The following DYNC2H1 variants were observed in gnomAD, a reference collection of about 807,000 sequenced individuals.
DYNC2H1 encodes the protein dynein cytoplasmic 2 heavy chain 1.
DYNC2H1 carries 410 observed loss-of-function variants against 570.0 expected under a neutral mutation model. The observed-to-expected ratio is 0.72, with a 90% CI of 0.66 to 0.78. The LOEUF is 0.78. DYNC2H1 is among the 30% of genes least tolerant of loss of function. The pLI is 0.00. For missense variants in DYNC2H1, 4,865 were observed against 5,046.4 expected, an observed-to-expected ratio of 0.96 and a Z score of 1.09; for synonymous variants, 1,688 against 1,677.6, an observed-to-expected ratio of 1.01 and a Z score of -0.15.
chr11:103,246,855 C>T (rs886818059), intron 65 of DYNC2H1, among the ~76,000 whole-genome samples: 1 of 152,046 alleles, frequency 6.6e-6, no homozygotes, highest in African/African-American at 2.4e-5. Context: ...AATTACTTTT[C>T]TACTTACTGT....
intron 77 of DYNC2H1, 58 bp downstream of exon 77, chr11:103,304,778 G>C: frequency 6.8e-7 from 1 of 1,471,626 alleles, no homozygotes; most frequent in Non-Finnish European, 9.1e-7. Context: ...CAATCTCCAA[G>C]GGACATCAGT....
In DYNC2H1 at chr11:103,235,261, CT is replaced by C. The variant is rs376307190; in HGVS notation, c.9568-410del. Among the ~76,000 whole-genome samples the C allele has an allele frequency of 3.8e-4, 57 of 151,976 alleles. 1 individual carries two copies. Among genetic ancestry groups the C allele is most frequent in the African/African-American group, 1.3e-3 (56 of 41,520 alleles). ...CTTTCCTTTAATATAACTACTCTTTCTGCTGAATCTTGTGCTTTATTTACAA... is the reference window on the plus strand; with the variant it reads ...CTTTCCTTTAATATAACTACTCTTTCGCTGAATCTTGTGCTTTATTTACAA... On this transcript the variant is annotated intron_variant, in intron 61 of 88. Transcript: ENST00000375735.
intron 87 of DYNC2H1, among the ~76,000 whole-genome samples, chr11:103,457,714 A>T (rs1334823054): frequency 6.6e-6 from 1 of 152,152 alleles, no homozygotes; most frequent in Non-Finnish European, 1.5e-5. Context: ...GGTTCAAGTG[A>T]TCCTTCTGCC....
chr11:103,465,781 T>A lies in DYNC2H1; in HGVS notation c.12649-2808T>A, dbSNP rs1945178398. Among the ~76,000 whole-genome samples, 1 of 152,142 alleles carries A rather than the reference T, an allele frequency of 6.6e-6. No homozygotes were observed. Among genetic ancestry groups the A allele is most frequent in the South Asian group, 2.1e-4 (1 of 4,832 alleles). ...TCATACTGTAGTAGACTAGGAGAGC[T>A]TCCTTATATGGTGGTTTCAGTGCAG... On this transcript the variant is annotated intron_variant, in intron 87 of 88. Coordinates refer to ENST00000375735, the MANE Select transcript of DYNC2H1 (RefSeq NM_001377.3). This position sits in a 1 kb window ranked among gnomAD's most constrained non-coding sequence, Gnocchi z 4.9.
chr11:103,259,402 T>C (rs1418469866), intron 69 of DYNC2H1, among the ~76,000 whole-genome samples: 2 of 152,192 alleles, frequency 1.3e-5, no homozygotes, highest in African/African-American at 4.8e-5. Context: ...AAATTTTATG[T>C]GAGTTTTTAC....
intron 82 of DYNC2H1, among the ~76,000 whole-genome samples, chr11:103,342,289 GTAAAATGGACCAATCAGCACCCTA>G (rs1255387057): frequency 2.0e-5 from 3 of 152,140 alleles, no homozygotes; most frequent in South Asian, 2.1e-4. Flanking sequence ...TCAGCACCCT[GTAAAATGGACCAATCAGCACCCTA>G]TAAAATGGAC....
chr11:103,152,109 A>ATTTT, intron 20 of DYNC2H1, 27 bp from the exon 21 acceptor site: 1 of 1,155,346 alleles, frequency 8.7e-7, no homozygotes, highest in Non-Finnish European at 1.2e-6. Context: ...TTGTTATTCA[A>ATTTT]TTTGTTTTTT....
At chr11:103,459,470 A>G (rs1181622824) in intron 87 of DYNC2H1, among the ~76,000 whole-genome samples, 1 of 152,144 alleles carries the variant, frequency 6.6e-6, no homozygotes, top group East Asian at 1.9e-4. Flanking sequence ...AGTAGTAACA[A>G]TAGCCGTTAC....
intron 88 of DYNC2H1, among the ~76,000 whole-genome samples, chr11:103,470,001 G>T (rs754030922): frequency 2.6e-5 from 4 of 151,722 alleles, no homozygotes; most frequent in Non-Finnish European, 5.9e-5. Context: ...TCCATATAAT[G>T]ATCATGAGGA....
intron 17 of DYNC2H1, among the ~76,000 whole-genome samples, chr11:103,139,963 C>T (rs866851425): frequency 1.6e-3 from 243 of 152,230 alleles, no homozygotes; most frequent in Admixed American, 6.9e-3. Context: ...CATTTACCAT[C>T]ATGTAATGGC....
rs565780798 is a variant in DYNC2H1 at position 103,394,900 on chromosome 11, T to G, written c.12157-4763T>G. Among the ~76,000 whole-genome samples the G allele has an allele frequency of 2.0e-4, 30 of 152,086 alleles. 1 individual carries two copies. In the South Asian group the frequency reaches 6.0e-3, roughly 31 times the overall value. The stretch of plus-strand genomic sequence containing the variant: ...TAAGGCAGCCAGCTATCCTGTGAAA[T>G]GGGTGGCAAGAAATTCTATAATCTT... On this transcript the variant is annotated intron_variant, in intron 83 of 88. Coordinates refer to ENST00000375735, the MANE Select transcript of DYNC2H1 (RefSeq NM_001377.3).
chr11:103,196,067 T>C (rs779250541), intron 47 of DYNC2H1, among the ~76,000 whole-genome samples: 3 of 152,172 alleles, frequency 2.0e-5, no homozygotes, highest in Middle Eastern at 3.2e-3. Context: ...AGCCAGATTG[T>C]GGAGGGCCAT....
At chr11:103,154,848 T>A (rs1385885352) in intron 24 of DYNC2H1, 39 bp downstream of exon 24, 7 of 1,446,418 alleles carry the variant, frequency 4.8e-6, no homozygotes, top group Non-Finnish European at 6.5e-6. Context: ...AAAAACAATG[T>A]TTGGAGCTTT....
chr11:103,196,730 T>TAGGG, intron 47 of DYNC2H1, among the ~76,000 whole-genome samples: 1 of 152,026 alleles, frequency 6.6e-6, no homozygotes, highest in Non-Finnish European at 1.5e-5. Flanking sequence ...ATAAGTAGGG[T>TAGGG]TACATAGATG....
At chr11:103,344,908 C>A (rs1422199502) in intron 82 of DYNC2H1, among the ~76,000 whole-genome samples, 1 of 152,128 alleles carries the variant, frequency 6.6e-6, no homozygotes, top group African/African-American at 2.4e-5. Flanking sequence ...CTTGCATCGA[C>A]TTATGTGATT....
intron 70 of DYNC2H1, among the ~76,000 whole-genome samples, chr11:103,273,067 A>C (rs1214776017): frequency 6.6e-6 from 1 of 150,596 alleles, no homozygotes; most frequent in East Asian, 2.0e-4. Flanking sequence ...GGATTTTGAC[A>C]GTTTTTTTAA....
At chr11:103,474,158 A>G (rs1183069201) in intron 88 of DYNC2H1, 5 of 181,926 alleles carry the variant, frequency 2.7e-5, no homozygotes. Context: ...ATCTTTACCA[A>G]TATACATTTT....
chr11:103,312,994 C>T (rs879641725), intron 79 of DYNC2H1, among the ~76,000 whole-genome samples: 1 of 147,302 alleles, frequency 6.8e-6, no homozygotes, highest in Admixed American at 7.1e-5. Context: ...TGTACTTCAC[C>T]ATTTTAAACC....
intron 17 of DYNC2H1, among the ~76,000 whole-genome samples, chr11:103,136,471 C>T (rs1372831255): frequency 6.6e-5 from 10 of 151,020 alleles, no homozygotes; most frequent in Non-Finnish European, 1.2e-4. Context: ...TGAGAACATG[C>T]GGTGTTTGGT....
Sources: allele counts gnomAD v4.1 joint callset (sites outside exome capture counted in the v4.1 genomes callset), GRCh38; gene constraint gnomAD v4.1.1; non-coding constraint Gnocchi (gnomAD v3.1); transcripts MANE v1.5; gene names NCBI Gene and HGNC (gene_info 2026-07-23, HGNC 2026-07-21).